Variants in PRKN observed in about 807,000 individuals in gnomAD.
PRKN encodes E3 ubiquitin-protein ligase parkin.
In PRKN, 56 loss-of-function variants were observed where a neutral mutation model predicts 59.5. The ratio of observed to expected loss-of-function variants is 0.94; its 90% CI spans 0.76 to 1.18. PRKN has a LOEUF of 1.18. Ranked by LOEUF, PRKN falls within the 50% of genes most tolerant of loss-of-function variation. PRKN has a pLI of 0.00. For missense variants in PRKN, 657 were observed against 596.4 expected (o/e 1.10, Z -1.06); for synonymous variants, 250 against 222.1 (o/e 1.13, Z -1.12).
chr6:161,518,077 C>T lies in PRKN; in HGVS notation c.1083+30777G>A, dbSNP rs183551848. ...GAGGGAGATTTGGCTTCTATGAGGG[C>T]ATGTGCGAGTCTAGCTCTCCAGATA... On this transcript the variant is annotated intron_variant, in intron 9 of 11. Transcript: ENST00000366898. This position sits in a 1 kb window ranked among gnomAD's most constrained non-coding sequence, Gnocchi z 5.0. Among the ~76,000 whole-genome samples, 123 of 152,314 alleles carry T rather than the reference C, an allele frequency of 8.1e-4. No individual in the cohort carries two copies. The highest frequency in any genetic ancestry group is 2.8e-3 in the African/African-American group (117 of 41,560).
chr6:161,715,465 T>A (rs996247868), intron 7 of PRKN, among the ~76,000 whole-genome samples: 2 of 152,154 alleles, frequency 1.3e-5, no homozygotes, highest in African/African-American at 4.8e-5. Context: ...TGAATATGTA[T>A]CCCTCTTCAA....
At chr6:162,030,031 G>A (rs984147560) in intron 5 of PRKN, among the ~76,000 whole-genome samples, 1 of 152,040 alleles carries the variant, frequency 6.6e-6, no homozygotes, top group African/African-American at 2.4e-5. Context: ...GTAGAGATGG[G>A]CTCTCTCTAT....
intron 4 of PRKN, among the ~76,000 whole-genome samples, chr6:162,072,745 C>T (rs1211695875): frequency 6.6e-6 from 1 of 152,136 alleles, no homozygotes; most frequent in Non-Finnish European, 1.5e-5. Context: ...CCACTACCAG[C>T]CAAGTCAGGA....
chr6:162,175,103 G>A (rs1783472205), intron 4 of PRKN, among the ~76,000 whole-genome samples: 1 of 152,142 alleles, frequency 6.6e-6, no homozygotes, highest in African/African-American at 2.4e-5. Context: ...GGTTACATTT[G>A]CAAGCAGCAG....
intron 4 of PRKN, among the ~76,000 whole-genome samples, chr6:162,170,609 G>A (rs1783227420): frequency 1.3e-5 from 2 of 152,226 alleles, no homozygotes; most frequent in South Asian, 4.1e-4. Context: ...ATTAGATGAA[G>A]GAATTTGTGA....
At chr6:161,913,800 C>T (rs1233290947) in intron 6 of PRKN, among the ~76,000 whole-genome samples, 5 of 152,210 alleles carry the variant, frequency 3.3e-5, no homozygotes, top group South Asian at 2.1e-4. Context: ...GTAGGTGGAG[C>T]GTCTGGGAGG....
chr6:161,741,625 AGGCCTG>A (rs1788188143), intron 7 of PRKN, among the ~76,000 whole-genome samples: 1 of 152,110 alleles, frequency 6.6e-6, no homozygotes, highest in Admixed American at 6.5e-5. Flanking sequence ...CCCATGGATG[AGGCCTG>A]GGCAGTAAAC....
At chr6:162,645,961 A>G (rs946072313) in intron 1 of PRKN, among the ~76,000 whole-genome samples, 2 of 135,752 alleles carry the variant, frequency 1.5e-5, no homozygotes, top group Non-Finnish European at 3.0e-5. Context: ...TGCAAGCTCC[A>G]CCTCCTGGGT....
At chr6:162,644,461 C>A (rs1778087304) in intron 1 of PRKN, among the ~76,000 whole-genome samples, 1 of 152,158 alleles carries the variant, frequency 6.6e-6, no homozygotes, top group African/African-American at 2.4e-5. Context: ...CACTGCCAGC[C>A]CGCACAGACC....
rs926055643 is a variant in PRKN at position 161,793,475 on chromosome 6, T to C, written c.735-7567A>G. ...AGCCAAGGTAAAATTCATTTATGTC[T>C]ACATTTTTGAATCACTTTTATTCAC... On this transcript the variant is annotated intron_variant, in intron 6 of 11. Transcript: ENST00000366898. 2.6e-4 allele frequency among the ~76,000 whole-genome samples: 39 copies of C among 152,132 alleles called. 1 individual carries two copies. The highest frequency in any genetic ancestry group is 8.9e-4 in the African/African-American group (37 of 41,500).
chr6:161,622,337 C>CT (rs1716979840), intron 7 of PRKN, among the ~76,000 whole-genome samples: 1 of 152,220 alleles, frequency 6.6e-6, no homozygotes, highest in South Asian at 2.1e-4. Context: ...CCCGTAGGCT[C>CT]TGATGGTAGG....
At chr6:162,519,912 A>G (rs1401045949) in intron 1 of PRKN, among the ~76,000 whole-genome samples, 1 of 152,214 alleles carries the variant, frequency 6.6e-6, no homozygotes, top group African/African-American at 2.4e-5. Flanking sequence ...CTGTGAATCA[A>G]TAAAATAATT....
At chr6:161,641,492 C>T (rs559323471) in intron 7 of PRKN, among the ~76,000 whole-genome samples, 3 of 152,292 alleles carry the variant, frequency 2.0e-5, no homozygotes, top group African/African-American at 7.2e-5. Flanking sequence ...CAGCTCCCCA[C>T]TTTTCAACTT....
intron 7 of PRKN, among the ~76,000 whole-genome samples, chr6:161,759,624 T>A (rs1789107153): frequency 6.6e-6 from 1 of 152,220 alleles, no homozygotes; most frequent in Non-Finnish European, 1.5e-5. Flanking sequence ...ACTGTCAATG[T>A]CACTAACATA....
At chr6:162,528,086 G>T (rs532626765) in intron 1 of PRKN, among the ~76,000 whole-genome samples, 1 of 125,482 alleles carries the variant, frequency 8.0e-6, no homozygotes, top group African/African-American at 2.8e-5. Flanking sequence ...CGGGAGGGGT[G>T]CGGGGCGGCG....
At position 161,355,995 on chromosome 6, in the gene PRKN, A is replaced by G. The variant is rs1784732463; in HGVS notation, c.1285+4093T>C. Among the ~76,000 whole-genome samples, 1 of 152,198 alleles carries G rather than the reference A, an allele frequency of 6.6e-6. No individual in the cohort carries two copies. The highest frequency in any genetic ancestry group is 2.4e-5 in the African/African-American group (1 of 41,448). On this transcript the variant is annotated intron_variant, in intron 11 of 11. Coordinates refer to ENST00000366898, the MANE Select transcript of PRKN (RefSeq NM_004562.3). This position sits in a 1 kb window ranked among gnomAD's most constrained non-coding sequence, Gnocchi z 6.8. ...AAGCCCAGCTCGGGCACAGCCTAAG[A>G]GGCCTGAGCTGACGTCCAGGAGCTC... is the stretch of plus-strand genomic sequence containing the variant.
intron 3 of PRKN, among the ~76,000 whole-genome samples, chr6:162,234,439 T>A (rs972782666): frequency 6.6e-6 from 1 of 152,202 alleles, no homozygotes; most frequent in African/African-American, 2.4e-5. Flanking sequence ...TTAATTTAGT[T>A]ATATAACATA....
intron 4 of PRKN, among the ~76,000 whole-genome samples, chr6:162,096,365 G>A (rs1328261411): frequency 6.6e-6 from 1 of 152,174 alleles, no homozygotes; most frequent in Non-Finnish European, 1.5e-5. Flanking sequence ...AAGCCAACCT[G>A]TTCCATTAGC....
In PRKN at chr6:162,678,046, C is replaced by A. The variant is rs1207315506; in HGVS notation, c.7+49616G>T. ...TGCATTTTCTGGAATTTATACAAGT[C>A]AAATCACACAGTTTATATTCTTTTG... On this transcript the variant is annotated intron_variant, in intron 1 of 11. Transcript: ENST00000366898. Among the ~76,000 whole-genome samples the A allele has an allele frequency of 2.0e-5, 3 of 152,332 alleles. No homozygotes were observed. The East Asian group carries it at 5.8e-4, about 29-fold the overall frequency.
Sources: gnomAD v4.1 joint callset for allele counts (sites outside exome capture counted in the v4.1 genomes callset) on GRCh38, gnomAD v4.1.1 for gene constraint, Gnocchi (gnomAD v3.1) non-coding constraint, MANE v1.5 for transcripts, NCBI Gene and HGNC (gene_info 2026-07-23, HGNC 2026-07-21) for gene names.